Variants in RAPGEF6 observed in about 807,000 individuals in gnomAD.
RAPGEF6 encodes the protein PDZ domain containing guanine nucleotide exchange factor (GEF) 2.
Under a neutral mutation model 171.4 loss-of-function variants are expected in RAPGEF6, and 56 were observed. That is an observed-to-expected ratio of 0.33 (90% CI 0.26 to 0.41). The LOEUF (loss-of-function observed/expected upper bound fraction) is 0.41, where lower values mean the gene tolerates loss of function less well. Ranked by LOEUF, RAPGEF6 falls within the 10% of genes least tolerant of loss-of-function variation. RAPGEF6 has a pLI of 1.00. For synonymous variants in RAPGEF6, 692 were observed against 650.1 expected (o/e 1.06, Z -0.98); for missense variants, 1,674 against 1,921.4 (o/e 0.87, Z 2.41).
chr5:131,577,190 G>A (rs1387879274), intron 4 of RAPGEF6, among the ~76,000 whole-genome samples: 2 of 152,200 alleles, frequency 1.3e-5, no homozygotes, highest in South Asian at 2.1e-4. Flanking sequence ...GTCCGATAAC[G>A]GACCGGCCTT....
intron 4 of RAPGEF6, among the ~76,000 whole-genome samples, chr5:131,587,730 C>T (rs1350640113): frequency 1.3e-5 from 2 of 152,142 alleles, no homozygotes; most frequent in African/African-American, 4.8e-5. Flanking sequence ...TAACAGAAAC[C>T]TCTTTCCCAA....
At chr5:131,510,759 A>C (rs1036037171) in intron 7 of RAPGEF6, among the ~76,000 whole-genome samples, 4 of 152,228 alleles carry the variant, frequency 2.6e-5, no homozygotes, top group Non-Finnish European at 5.9e-5. Flanking sequence ...ACATCACTAA[A>C]TGTATTAATA....
intron 15 of RAPGEF6, among the ~76,000 whole-genome samples, chr5:131,481,468 G>C (rs1321663822): frequency 6.6e-6 from 1 of 152,024 alleles, no homozygotes; most frequent in East Asian, 1.9e-4. Flanking sequence ...AGGCTCAAGA[G>C]ATCTGCCCGT....
At chr5:131,564,010 GA>G (rs1261289712) in intron 4 of RAPGEF6, among the ~76,000 whole-genome samples, 1 of 152,162 alleles carries the variant, frequency 6.6e-6, no homozygotes, top group Non-Finnish European at 1.5e-5. Context: ...ACACCAAAAA[GA>G]AGGCAGGGCA....
chr5:131,474,882 A>C (rs1329489139), intron 16 of RAPGEF6, among the ~76,000 whole-genome samples: 2 of 152,226 alleles, frequency 1.3e-5, no homozygotes, highest in Non-Finnish European at 2.9e-5. Context: ...AAACCATTAA[A>C]GAGGTTGTCC....
chr5:131,469,258 AAAT>A (rs1754583755), intron 17 of RAPGEF6, among the ~76,000 whole-genome samples: 1 of 152,188 alleles, frequency 6.6e-6, no homozygotes, highest in Non-Finnish European at 1.5e-5. Flanking sequence ...ATATACAAGT[AAAT>A]AATAACTAAA....
chr5:131,500,304 C>T lies in RAPGEF6; in HGVS notation c.1255-1697G>A, dbSNP rs557597136. Among the ~76,000 whole-genome samples, 318 of 152,274 alleles carry T rather than the reference C, an allele frequency of 2.1e-3. 2 individuals carry two copies. Among genetic ancestry groups the T allele is most frequent in the African/African-American group, 7.4e-3 (309 of 41,564 alleles). The stretch of plus-strand genomic sequence containing the variant: ...TCATAGGTCATTCCTATTCTCCTAT[C>T]CTCCAAAACATTCTAAGCCTAAGAG... On this transcript the variant is annotated intron_variant, in intron 11 of 27. Coordinates refer to ENST00000509018, the MANE Select transcript of RAPGEF6 (RefSeq NM_016340.6).
intron 1 of RAPGEF6, among the ~76,000 whole-genome samples, chr5:131,605,096 C>G (rs1433415638): frequency 6.6e-6 from 1 of 152,142 alleles, no homozygotes; most frequent in Non-Finnish European, 1.5e-5. Flanking sequence ...TAAAATATGA[C>G]TTTCTAAAGA....
intron 4 of RAPGEF6, among the ~76,000 whole-genome samples, chr5:131,563,561 T>A (rs1422306394): frequency 6.6e-6 from 1 of 152,198 alleles, no homozygotes; most frequent in African/African-American, 2.4e-5. Context: ...TGCAGTGCAG[T>A]GGTGCAATCA....
At chr5:131,618,971 CA>C (rs1349451963) in intron 1 of RAPGEF6, among the ~76,000 whole-genome samples, 2 of 150,898 alleles carry the variant, frequency 1.3e-5, no homozygotes, top group Non-Finnish European at 1.5e-5. Context: ...AGAAAACAAC[CA>C]GATGAATCCA....
chr5:131,509,860 G>A (rs912756338), intron 8 of RAPGEF6, among the ~76,000 whole-genome samples: 1 of 152,144 alleles, frequency 6.6e-6, no homozygotes, highest in Non-Finnish European at 1.5e-5. Flanking sequence ...ACAGAATTTA[G>A]CAGAAGTGAT....
intron 5 of RAPGEF6, among the ~76,000 whole-genome samples, chr5:131,552,751 A>T (rs954722291): frequency 1.3e-5 from 2 of 152,034 alleles, no homozygotes; most frequent in African/African-American, 4.8e-5. Flanking sequence ...GTGAGCCACC[A>T]CACCAGGCCA....
At chr5:131,585,665 A>T (rs1435358581) in intron 4 of RAPGEF6, among the ~76,000 whole-genome samples, 2 of 152,128 alleles carry the variant, frequency 1.3e-5, no homozygotes, top group Non-Finnish European at 2.9e-5. Context: ...GTCTCTACTA[A>T]AAATATAAAA....
chr5:131,595,029 G>A (rs1763811618), intron 3 of RAPGEF6, among the ~76,000 whole-genome samples: 1 of 152,162 alleles, frequency 6.6e-6, no homozygotes, highest in Non-Finnish European at 1.5e-5. Flanking sequence ...GGGGACTGCT[G>A]GGAAGGCATG....
chr5:131,470,721 C>T (rs1754681641), intron 17 of RAPGEF6, among the ~76,000 whole-genome samples: 1 of 152,094 alleles, frequency 6.6e-6, no homozygotes, highest in African/African-American at 2.4e-5. Context: ...ACATAGCAAA[C>T]AATAGGAGAG....
chr5:131,619,309 T>C (rs952327763), intron 1 of RAPGEF6, among the ~76,000 whole-genome samples: 1 of 151,930 alleles, frequency 6.6e-6, no homozygotes, highest in African/African-American at 2.4e-5. Context: ...CACCAGGGCC[T>C]GTTGCGGCGG....
intron 16 of RAPGEF6, among the ~76,000 whole-genome samples, chr5:131,476,783 C>T (rs1404716130): frequency 1.3e-5 from 2 of 152,180 alleles, no homozygotes; most frequent in African/African-American, 4.8e-5. Context: ...CTGTCCACCT[C>T]GGCCTCCCAA....
chr5:131,631,639 G>A (rs1380239751), intron 1 of RAPGEF6, among the ~76,000 whole-genome samples: 2 of 152,124 alleles, frequency 1.3e-5, no homozygotes, highest in African/African-American at 4.8e-5. Context: ...TCTCAACACA[G>A]CAGCCAGGAG....
chr5:131,431,401 C>T (rs769957639), intron 25 of RAPGEF6, 52 bp from the exon 26 acceptor site: 1 of 1,527,170 alleles, frequency 6.5e-7, no homozygotes, highest in South Asian at 1.3e-5. Flanking sequence ...AAACTATCTT[C>T]TCTCTGTTTC....
Sources: gnomAD v4.1 joint callset for allele counts (sites outside exome capture counted in the v4.1 genomes callset) on GRCh38, gnomAD v4.1.1 for gene constraint, MANE v1.5 for transcripts, NCBI Gene and HGNC (gene_info 2026-07-23, HGNC 2026-07-21) for gene names.